Variants in N4BP2 observed in about 807,000 individuals in gnomAD.
N4BP2 encodes NEDD4-binding protein 2.
In N4BP2, 91 loss-of-function variants were observed where a neutral mutation model predicts 152.8. The observed-to-expected ratio is 0.60, with a 90% CI of 0.50 to 0.71. The LOEUF (loss-of-function observed/expected upper bound fraction) is 0.71, where lower values mean the gene tolerates loss of function less well. Ranked by LOEUF, N4BP2 falls within the 30% of genes least tolerant of loss-of-function variation. The probability of loss-of-function intolerance (pLI) is 0.00; values close to 1 mark genes in which losing one functional copy is unlikely to be tolerated. For missense variants in N4BP2, 1,923 were observed against 2,059.1 expected, an observed-to-expected ratio of 0.93 and a Z score of 1.28; for synonymous variants, 646 against 705.3, an observed-to-expected ratio of 0.92 and a Z score of 1.33.
At position 40,104,907 on chromosome 4, in the gene N4BP2, C is replaced by T. The variant is rs186699810; in HGVS notation, c.1373+1689C>T. Among the ~76,000 whole-genome samples the T allele has an allele frequency of 3.1e-3, 477 of 151,804 alleles. 3 individuals carry two copies. Among genetic ancestry groups the T allele is most frequent in the African/African-American group, 0.011 (458 of 41,408 alleles). ...GCAAGCTCCGCCTCCCAGGTTCACG[C>T]CATTCTCCTGCCTCGGCCTCCGGAG... On this transcript the variant is annotated intron_variant, in intron 4 of 17. Coordinates refer to ENST00000261435, the MANE Select transcript of N4BP2 (RefSeq NM_018177.6).
chr4:40,160,651 A>G (rs1326144055), downstream of N4BP2, among the ~76,000 whole-genome samples: 1 of 152,202 alleles, frequency 6.6e-6, no homozygotes, highest in Non-Finnish European at 1.5e-5. Context: ...GAACATCTTT[A>G]TTTCACATGC....
chr4:40,094,325 G>A (rs573890463), intron 2 of N4BP2, among the ~76,000 whole-genome samples: 2 of 152,188 alleles, frequency 1.3e-5, no homozygotes, highest in South Asian at 4.1e-4. Flanking sequence ...CTGTTGTTGG[G>A]TGGAGTGTTC....
intron 12 of N4BP2, among the ~76,000 whole-genome samples, chr4:40,129,177 T>A (rs573755192): frequency 3.3e-5 from 5 of 152,166 alleles, no homozygotes; most frequent in Non-Finnish European, 7.4e-5. Context: ...GCCTCCCAAG[T>A]AGCTGGGACT....
chr4:40,144,840 G>GCAAAGACATATAT, intron 16 of N4BP2, 40 bp downstream of exon 16: 1 of 1,526,700 alleles, frequency 6.6e-7, no homozygotes, highest in Non-Finnish European at 8.8e-7. Flanking sequence ...TAGAATATAT[G>GCAAAGACATATAT]TCTTTGCTTA....
intron 2 of N4BP2, among the ~76,000 whole-genome samples, chr4:40,091,556 G>A (rs543737205): frequency 2.0e-5 from 3 of 148,204 alleles, no homozygotes; most frequent in South Asian, 4.2e-4. Context: ...TATGGAACTA[G>A]CCTTGCCTTC....
Position 40,120,318 on chromosome 4 carries a change from A to T in N4BP2, c.2207A>T (p.Asp736Val), listed in dbSNP as rs1717752848. The T allele has an allele frequency of 6.2e-7, 1 of 1,612,602 alleles. No homozygotes were observed. The highest frequency in any genetic ancestry group is 1.3e-5 in the African/African-American group (1 of 74,702). ...STCCSENNQE[D>V]CDLANSGPLQ... ...TGCTGTAGTGAAAATAATCAAGAAG[A>T]CTGTGATCTTGCAAATAGTGGACCA... The change falls in exon 9 of 18, where the codon GAC becomes GTC. Residue 736 changes from aspartate to valine, a missense_variant. By Grantham distance (152) the Asp-to-Val change is radical (BLOSUM62 -3). Transcript: ENST00000261435.
In N4BP2 at chr4:40,121,866, G is replaced by A; in HGVS notation, c.3755G>A (p.Gly1252Asp). 6.2e-7 allele frequency: 1 copy of A among 1,613,166 alleles called. No homozygotes were observed. The highest frequency in any genetic ancestry group is 8.5e-7 in the Non-Finnish European group (1 of 1,179,804). Residue 1252 changes from glycine to aspartate, a missense_variant, in exon 9 of 18, where the codon GGT (glycine) becomes GAT (aspartate). By Grantham distance (94) the Gly-to-Asp change is moderately conservative. Transcript: ENST00000261435. ...LLYSSKQSFP[G>D]ILKATTPKDM... Reference sequence around the variant, plus strand: ...TATAGCAGTAAGCAGTCCTTTCCAGGTATTCTAAAAGCTACTACTCCTAAA... The same window carrying A: ...TATAGCAGTAAGCAGTCCTTTCCAGATATTCTAAAAGCTACTACTCCTAAA...
chr4:40,103,666 A>C (rs924998727), intron 4 of N4BP2, among the ~76,000 whole-genome samples: 2 of 152,222 alleles, frequency 1.3e-5, no homozygotes, highest in Non-Finnish European at 2.9e-5. Context: ...TGTGATTTGA[A>C]GGAAGAGAGT....
chr4:40,171,907 C>T, the N4BP2 span, among the ~76,000 whole-genome samples: 1 of 152,098 alleles, frequency 6.6e-6, no homozygotes, highest in Non-Finnish European at 1.5e-5. Flanking sequence ...GAGACTAAGC[C>T]AGTCTAGTCT....
At chr4:40,145,587 T>C (rs1720439706) in intron 16 of N4BP2, among the ~76,000 whole-genome samples, 1 of 152,192 alleles carries the variant, frequency 6.6e-6, no homozygotes, top group Non-Finnish European at 1.5e-5. Context: ...AAGAGAAACT[T>C]TAAGAGCCGT....
Position 40,120,266 on chromosome 4 carries a change from T to A in N4BP2, c.2155T>A (p.Ser719Thr), listed in dbSNP as rs1717739482. ...KGYSKTDTDS[S>T]MERVSPSTCC... Reference sequence around the variant, plus strand: ...GTATAGTAAAACTGACACAGATAGTTCTATGGAGAGAGTATCACCTAGTAC... The same window carrying A: ...GTATAGTAAAACTGACACAGATAGTACTATGGAGAGAGTATCACCTAGTAC... The change falls in exon 9 of 18, where the codon TCT (serine) becomes ACT (threonine). Residue 719 changes from serine (S) to threonine (T), a missense_variant. Coordinates refer to ENST00000261435, the MANE Select transcript of N4BP2 (RefSeq NM_018177.6). The A allele has an allele frequency of 6.2e-7, 1 of 1,613,784 alleles. No homozygotes were observed. The highest frequency in any genetic ancestry group is 1.3e-5 in the African/African-American group (1 of 74,928).
At chr4:40,085,947 G>A (rs1265147891) in intron 2 of N4BP2, among the ~76,000 whole-genome samples, 1 of 151,776 alleles carries the variant, frequency 6.6e-6, no homozygotes, top group African/African-American at 2.4e-5. Flanking sequence ...GAATATTTGA[G>A]GCCAGGAGTC....
intron 2 of N4BP2, among the ~76,000 whole-genome samples, chr4:40,091,602 C>CTTTTTT (rs35142277): frequency 7.5e-5 from 6 of 80,466 alleles, no homozygotes; most frequent in South Asian, 4.2e-4. Flanking sequence ...GTATACAATC[C>CTTTTTT]TTTTTTTTTT....
At chr4:40,087,731 C>A (rs557826234) in intron 2 of N4BP2, among the ~76,000 whole-genome samples, 1 of 152,024 alleles carries the variant, frequency 6.6e-6, no homozygotes, top group African/African-American at 2.4e-5. Context: ...TTCAATATAG[C>A]CTTTTAGGAC....
At chr4:40,131,976 C>T (rs1718943778) in intron 13 of N4BP2, 57 bp downstream of exon 13, 2 of 1,047,560 alleles carry the variant, frequency 1.9e-6, no homozygotes, top group Admixed American at 1.8e-5. Context: ...AAAGCATATG[C>T]CATGTTTATT....
the N4BP2 span, among the ~76,000 whole-genome samples, chr4:40,176,891 ACT>A: frequency 6.6e-6 from 1 of 151,960 alleles, no homozygotes; most frequent in South Asian, 2.1e-4. Flanking sequence ...CTAGCAGGAG[ACT>A]CTGGCCTTTC....
chr4:40,137,515 ATTAT>A (rs527924810), intron 14 of N4BP2, among the ~76,000 whole-genome samples: 81 of 152,312 alleles, frequency 5.3e-4, no homozygotes, highest in African/African-American at 1.9e-3. Flanking sequence ...GACATATATT[ATTAT>A]TTAACACCCG....
the N4BP2 span, among the ~76,000 whole-genome samples, chr4:40,170,556 C>G: frequency 6.6e-6 from 1 of 152,176 alleles, no homozygotes; most frequent in Admixed American, 6.5e-5. Flanking sequence ...AGGAGGATAG[C>G]TTGAATCTGG....
intron 13 of N4BP2, among the ~76,000 whole-genome samples, chr4:40,132,830 T>C (rs1719016590): frequency 2.3e-5 from 2 of 86,376 alleles, no homozygotes; most frequent in Non-Finnish European, 4.8e-5. Flanking sequence ...TACTTTACTT[T>C]CAGATTTTTT....
Sources: gnomAD v4.1 joint callset for allele counts (sites outside exome capture counted in the v4.1 genomes callset) on GRCh38, gnomAD v4.1.1 for gene constraint, MANE v1.5 for transcripts, NCBI Gene and HGNC (gene_info 2026-07-23, HGNC 2026-07-21) for gene names.